NIN: variants seen among roughly 807,000 people sequenced by gnomAD.
NIN encodes the protein ninein.
Under a neutral mutation model 257.6 loss-of-function variants are expected in NIN, and 137 were observed. That is an observed-to-expected ratio of 0.53 (90% CI 0.46 to 0.61). NIN has a LOEUF of 0.61. Among genes scored for constraint, NIN ranks in the 20% least tolerant of loss-of-function variants. The pLI is 0.00. For synonymous variants in NIN, 918 were observed against 919.8 expected (o/e 1.00, Z 0.04); for missense variants, 2,439 against 2,501.2 (o/e 0.98, Z 0.53).
chr14:50,777,135 C>A lies in NIN; in HGVS notation c.480G>T (p.Gln160His). The A allele has an allele frequency of 6.2e-7, 1 of 1,606,536 alleles. No individual in the cohort carries two copies. Among genetic ancestry groups the A allele is most frequent in the Admixed American group, 1.7e-5 (1 of 58,678 alleles). The change falls in exon 7 of 31, where the codon CAG becomes CAT. Residue 160 changes from glutamine to histidine, a missense_variant. Physicochemically the swap from Gln to His is conservative, Grantham distance 24. Around this residue, in one of 3 missense-constraint regions of NIN, gnomAD observed 387 missense variants for 427.3 expected, o/e 0.91. Coordinates refer to ENST00000530997, the MANE Select transcript of NIN (RefSeq NM_020921.4). ...QRSEEYEAEG[Q>H]LRFWNPDDLN... ...AGTCATCTGGGTTCCAAAACCTTAACTGGCCTGAGAGAGAAGCATATGTTG... is the reference window on the plus strand; with the variant it reads ...AGTCATCTGGGTTCCAAAACCTTAAATGGCCTGAGAGAGAAGCATATGTTG...
In NIN at chr14:50,752,544, C is replaced by T; in HGVS notation, c.4924G>A (p.Glu1642Lys). 1 of 1,614,016 alleles carries T rather than the reference C, an allele frequency of 6.2e-7. No individual in the cohort carries two copies. The change falls in exon 21 of 31, where the codon GAA becomes AAA. Residue 1642 changes from glutamate to lysine, a missense_variant. By Grantham distance (56) the Glu-to-Lys change is moderately conservative (BLOSUM62 1). Transcript: ENST00000530997. ...TGCACTTTACAACGTTCCAGTTCTT[C>T]TTTCAGATTAAACTTCTCTTGTTCC... The part of the protein sequence containing the change: ...EREQEKFNLK[E>K]ELERCKVQSS...
In NIN at chr14:50,778,801, A is replaced by G; in HGVS notation, c.439T>C (p.Trp147Arg). 6.2e-7 allele frequency: 1 copy of G among 1,614,072 alleles called. No individual in the cohort carries two copies. The highest frequency in any genetic ancestry group is 8.5e-7 in the Non-Finnish European group (1 of 1,179,976). ...TACTCCTCACTGCGTTGCGTCTTCC[A>G]GTGCTAGAGAAGGCAAGAGAAGATT... ...HIPAGDCSEH[W>R]KTQRSEEYEA... is the part of the protein sequence containing the mutation. The change falls in exon 6 of 31, where the codon TGG becomes CGG. Residue 147 changes from tryptophan (W) to arginine (R), a missense_variant. Around this residue, in one of 3 missense-constraint regions of NIN, gnomAD observed 387 missense variants for 427.3 expected, o/e 0.91. Coordinates refer to ENST00000530997, the MANE Select transcript of NIN (RefSeq NM_020921.4).
At chr14:50,764,479 C>A (rs1185286777) in intron 14 of NIN, among the ~76,000 whole-genome samples, 1 of 152,162 alleles carries the variant, frequency 6.6e-6, no homozygotes, top group South Asian at 2.1e-4. Context: ...GGTTACCATA[C>A]AACCTAGCAA....
chr14:50,763,967 G>T lies in NIN; in HGVS notation c.1636-3C>A, dbSNP rs1315663307. On this transcript the variant is annotated splice_region_variant and splice_polypyrimidine_tract_variant and intron_variant, in intron 14 of 30. Coordinates refer to ENST00000530997, the MANE Select transcript of NIN (RefSeq NM_020921.4). ...TCATCTACTTGGTCTTGTAGTACCT[G>T]GGATTTAAAAACCAACACTGGTCTT... 4 of 1,612,210 alleles carry T rather than the reference G, an allele frequency of 2.5e-6. No homozygotes were observed. The highest frequency in any genetic ancestry group is 1.1e-5 in the South Asian group (1 of 90,982).
intron 18 of NIN, among the ~76,000 whole-genome samples, chr14:50,755,214 T>C (rs758550472): frequency 6.6e-6 from 1 of 152,220 alleles, no homozygotes; most frequent in Non-Finnish European, 1.5e-5. Context: ...GTCCTACCTG[T>C]TCTGAATACA....
At position 50,758,558 on chromosome 14, in the gene NIN, T is replaced by C; in HGVS notation, c.2472A>G (p.Lys824=). 2 of 1,612,386 alleles carry C rather than the reference T, an allele frequency of 1.2e-6. No individual in the cohort carries two copies. Among genetic ancestry groups the C allele is most frequent in the Non-Finnish European group, 1.7e-6 (2 of 1,179,362 alleles). ...IEAQFQSDCQ[K]VTERCESALQ... is the part of the protein sequence containing the mutation. ...GAGCGCTTTCACACCTCTCAGTGACTTTCTGACAATCAGACTGAAACTGGG... is the reference window on the plus strand; with the variant it reads ...GAGCGCTTTCACACCTCTCAGTGACCTTCTGACAATCAGACTGAAACTGGG... The change falls in exon 18 of 31, where the codon AAA becomes AAG. Residue 824 remains lysine (K), a synonymous_variant. Coordinates refer to ENST00000530997, the MANE Select transcript of NIN (RefSeq NM_020921.4).
chr14:50,726,065 C>T lies in NIN; in HGVS notation c.6080G>A (p.Gly2027Glu), dbSNP rs2040397782. ...GACAGTTACCAGTTGTTCCTGGTTT[C>T]CCTGAAGGGAAGAAAAGTATATTAT... ...NRTSETNTPQGNQEQLVTVME... is the reference protein window; with the variant it reads ...NRTSETNTPQENQEQLVTVME... Residue 2027 changes from glycine (G) to glutamate (E), a missense_variant and splice_region_variant, in exon 30 of 31, where the codon GGA becomes GAA. Coordinates refer to ENST00000530997, the MANE Select transcript of NIN (RefSeq NM_020921.4). 1 of 1,610,510 alleles carries T rather than the reference C, an allele frequency of 6.2e-7. No homozygotes were observed. The highest frequency in any genetic ancestry group is 1.7e-5 in the Admixed American group (1 of 59,774).
chr14:50,750,838 C>T (rs1486642414), intron 21 of NIN, among the ~76,000 whole-genome samples: 6 of 152,176 alleles, frequency 3.9e-5, no homozygotes, highest in African/African-American at 1.2e-4. Flanking sequence ...AAAAGATAAA[C>T]TCAGAGAAGT....
chr14:50,820,857 G>A (rs1247198175), intron 3 of NIN, among the ~76,000 whole-genome samples: 1 of 152,118 alleles, frequency 6.6e-6, no homozygotes, highest in Admixed American at 6.6e-5. Context: ...GGCTACTCCT[G>A]TCTGTCTCAG....
rs749240546 is a variant in NIN at position 50,757,634 on chromosome 14, C to A, written c.3396G>T (p.Thr1132=). ...QTEQFLQQNR[T]KQVEGVTRRH... Reference sequence around the variant, plus strand: ...GCCTGGTCACACCTTCTACTTGCTTCGTTCGGTTTTGCTGTAAAAACTGCT... The same window carrying A: ...GCCTGGTCACACCTTCTACTTGCTTAGTTCGGTTTTGCTGTAAAAACTGCT... The change falls in exon 18 of 31, where the codon ACG becomes ACT. Residue 1132 remains threonine, a synonymous_variant. Transcript: ENST00000530997. 1 of 1,614,022 alleles carries A rather than the reference C, an allele frequency of 6.2e-7. No individual in the cohort carries two copies.
chr14:50,788,923 G>C (rs2043458336), intron 5 of NIN, among the ~76,000 whole-genome samples: 1 of 152,098 alleles, frequency 6.6e-6, no homozygotes, highest in East Asian at 1.9e-4. Flanking sequence ...CCCTTTTATT[G>C]TCTTCATCAC....
intron 12 of NIN, among the ~76,000 whole-genome samples, chr14:50,769,754 G>A (rs1021308999): frequency 1.3e-5 from 2 of 151,988 alleles, no homozygotes; most frequent in African/African-American, 4.8e-5. Flanking sequence ...TGCCTGCCTC[G>A]GCCTCTGAAA....
chr14:50,816,124 C>T (rs2044882116), intron 3 of NIN, among the ~76,000 whole-genome samples: 2 of 151,114 alleles, frequency 1.3e-5, no homozygotes. Flanking sequence ...CATGTTCTCA[C>T]TTATAAGTGG....
Position 50,744,454 on chromosome 14 carries a change from G to C in NIN, c.5065-89C>G, listed in dbSNP as rs1039015956. 8 of 1,345,294 alleles carry C rather than the reference G, an allele frequency of 5.9e-6. No homozygotes were observed. In the African/African-American group the frequency reaches 1.2e-4, roughly 20 times the overall value. The allele number at this position is 1,345,294 out of a possible 1,614,324, so 83.3% of individuals were successfully genotyped here. On this transcript the variant is annotated intron_variant, in intron 22 of 30. Transcript: ENST00000530997. ...TTCTAAATAGGGCATTTTCACAGCTGCTGCTATTTGCCTATCTGTGGATAT... is the reference window on the plus strand; with the variant it reads ...TTCTAAATAGGGCATTTTCACAGCTCCTGCTATTTGCCTATCTGTGGATAT...
chr14:50,800,653 T>C (rs1251916422), intron 4 of NIN, among the ~76,000 whole-genome samples: 2 of 152,218 alleles, frequency 1.3e-5, no homozygotes, highest in African/African-American at 4.8e-5. Context: ...CTAGAAAGGT[T>C]CTATCATTTT....
At chr14:50,798,283 C>T (rs2043932140) in intron 4 of NIN, among the ~76,000 whole-genome samples, 2 of 152,290 alleles carry the variant, frequency 1.3e-5, no homozygotes, top group South Asian at 2.1e-4. Flanking sequence ...GAATCTTAGG[C>T]GCAGTCTCCA....
intron 12 of NIN, among the ~76,000 whole-genome samples, chr14:50,767,289 T>C (rs1300218426): frequency 6.6e-6 from 1 of 152,210 alleles, no homozygotes; most frequent in Non-Finnish European, 1.5e-5. Context: ...GTTTTAGAGA[T>C]ACTGGATTAA....
At chr14:50,740,983 C>G (rs1011144454) in intron 25 of NIN, among the ~76,000 whole-genome samples, 1 of 152,216 alleles carries the variant, frequency 6.6e-6, no homozygotes, top group Non-Finnish European at 1.5e-5. Context: ...TGTCAGCCAG[C>G]TAACACTTTA....
At chr14:50,732,917 A>G (rs990357966) in intron 28 of NIN, among the ~76,000 whole-genome samples, 6 of 151,186 alleles carry the variant, frequency 4.0e-5, no homozygotes, top group African/African-American at 1.5e-4. Context: ...TAAAAACTTC[A>G]ATCTGGAGAA....
Sources: allele counts gnomAD v4.1 joint callset (sites outside exome capture counted in the v4.1 genomes callset), GRCh38; gene constraint gnomAD v4.1.1; regional missense constraint gnomAD v4.1.1; transcripts MANE v1.5; gene names NCBI Gene and HGNC (gene_info 2026-07-23, HGNC 2026-07-21).